Variants in BRINP3 observed in about 807,000 individuals in gnomAD.
The protein encoded by BRINP3 is BMP/retinoic acid inducible neural specific 3.
A neutral mutation model predicts 71.0 loss-of-function variants in BRINP3; 19 were observed. That is an observed-to-expected ratio of 0.27 (90% CI 0.19 to 0.39). The LOEUF is 0.39. Ranked by LOEUF, BRINP3 falls within the 10% of genes least tolerant of loss-of-function variation. The pLI, the probability that BRINP3 is intolerant of heterozygous loss-of-function variation, is 1.00. For missense variants in BRINP3, 959 were observed against 940.8 expected (o/e 1.02, Z -0.25); for synonymous variants, 380 against 337.7 (o/e 1.13, Z -1.37).
intron 2 of BRINP3, among the ~76,000 whole-genome samples, chr1:190,385,691 G>C (rs975978473): frequency 1.1e-4 from 17 of 152,036 alleles, no homozygotes; most frequent in African/African-American, 4.1e-4. Context: ...CAGGGATCTA[G>C]AACTAGAAAT....
chr1:190,138,907 A>G (rs1655195454), intron 7 of BRINP3, among the ~76,000 whole-genome samples: 1 of 152,182 alleles, frequency 6.6e-6, no homozygotes, highest in African/African-American at 2.4e-5. Context: ...CAATGGCGGC[A>G]GCAGGGACAG....
intron 2 of BRINP3, among the ~76,000 whole-genome samples, chr1:190,397,870 G>A (rs2102340178): frequency 6.6e-6 from 1 of 151,874 alleles, no homozygotes; most frequent in South Asian, 2.1e-4. Flanking sequence ...ACATTTTTCT[G>A]AGTAATTATT....
At chr1:190,439,309 T>C (rs1010925466) in intron 2 of BRINP3, among the ~76,000 whole-genome samples, 2 of 151,912 alleles carry the variant, frequency 1.3e-5, no homozygotes, top group African/African-American at 4.8e-5. Flanking sequence ...AAACTGGGTA[T>C]ATTAATTAAT....
chr1:190,389,994 A>G lies in BRINP3; in HGVS notation c.236+64661T>C, dbSNP rs1024925138. ...TTGTTACAGTGGTTAATTTATGGGAACAATAAACACATTTTTGTAAACTGA... is the reference window on the plus strand; with the variant it reads ...TTGTTACAGTGGTTAATTTATGGGAGCAATAAACACATTTTTGTAAACTGA... On this transcript the variant is annotated intron_variant, in intron 2 of 7. Transcript: ENST00000367462. Among the ~76,000 whole-genome samples the G allele has an allele frequency of 6.6e-5, 10 of 151,848 alleles. No individual in the cohort carries two copies. The Admixed American group carries it at 6.6e-4, about 10-fold the overall frequency.
At chr1:190,224,865 AGAC>A (rs1196320973) in intron 6 of BRINP3, among the ~76,000 whole-genome samples, 1 of 152,080 alleles carries the variant, frequency 6.6e-6, no homozygotes, top group Non-Finnish European at 1.5e-5. Context: ...TCTCATAAGA[AGAC>A]ATAAAGATGG....
At chr1:190,340,917 TC>T (rs1178335191) in intron 2 of BRINP3, among the ~76,000 whole-genome samples, 3 of 151,682 alleles carry the variant, frequency 2.0e-5, no homozygotes, top group Non-Finnish European at 4.4e-5. Context: ...TCTTTTTTTT[TC>T]CAAGAAATAC....
At chr1:190,460,767 T>C (rs1676339345) in intron 1 of BRINP3, among the ~76,000 whole-genome samples, 2 of 152,210 alleles carry the variant, frequency 1.3e-5, no homozygotes, top group South Asian at 4.1e-4. Flanking sequence ...TTTTCTTATC[T>C]CACTAAATGA....
chr1:190,116,113 C>T (rs921331639), intron 7 of BRINP3, among the ~76,000 whole-genome samples: 6 of 152,078 alleles, frequency 3.9e-5, no homozygotes, highest in South Asian at 4.1e-4. Flanking sequence ...GCGTACAATA[C>T]TGTCTATACT....
intron 6 of BRINP3, among the ~76,000 whole-genome samples, chr1:190,223,247 A>G (rs1191440107): frequency 6.6e-6 from 1 of 151,952 alleles, no homozygotes; most frequent in East Asian, 1.9e-4. Context: ...GATCAATATC[A>G]CTGATGAGCA....
chr1:190,471,996 T>A lies in BRINP3; in HGVS notation c.-51+5452A>T, dbSNP rs1181958562. Among the ~76,000 whole-genome samples, 3 of 151,584 alleles carry A rather than the reference T, an allele frequency of 2.0e-5. No homozygotes were observed. The East Asian group carries it at 5.8e-4, about 29-fold the overall frequency. ...CCATAACACCACTGACCAAGAAGAT[T>A]TGATACTAGCATTAAAAAAAAGTTG... On this transcript the variant is annotated intron_variant, in intron 1 of 7. Coordinates refer to ENST00000367462, the MANE Select transcript of BRINP3 (RefSeq NM_199051.3).
intron 2 of BRINP3, among the ~76,000 whole-genome samples, chr1:190,311,698 C>G (rs1298152402): frequency 6.6e-6 from 1 of 150,774 alleles, no homozygotes; most frequent in Non-Finnish European, 1.5e-5. Flanking sequence ...AAAACTTTTC[C>G]TATATGAAAA....
intron 3 of BRINP3, among the ~76,000 whole-genome samples, chr1:190,281,024 T>C (rs1451208093): frequency 6.6e-6 from 1 of 151,982 alleles, no homozygotes; most frequent in Non-Finnish European, 1.5e-5. Flanking sequence ...TTTTTACAAA[T>C]GTATACATTT....
chr1:190,393,953 T>G (rs1671415100), intron 2 of BRINP3, among the ~76,000 whole-genome samples: 1 of 151,638 alleles, frequency 6.6e-6, no homozygotes, highest in African/African-American at 2.4e-5. Context: ...TATTTTAAAA[T>G]TTCCCTTTGC....
chr1:190,169,915 T>A (rs1467913655), intron 6 of BRINP3, among the ~76,000 whole-genome samples: 4 of 152,092 alleles, frequency 2.6e-5, no homozygotes, highest in Admixed American at 1.3e-4. Flanking sequence ...AGGAGGTGGG[T>A]CCCATTATAA....
chr1:190,209,943 G>T (rs1451200228), intron 6 of BRINP3, among the ~76,000 whole-genome samples: 2 of 152,096 alleles, frequency 1.3e-5, no homozygotes, highest in Non-Finnish European at 2.9e-5. Flanking sequence ...GAAAATGAAT[G>T]TGTACTTGGT....
intron 2 of BRINP3, among the ~76,000 whole-genome samples, chr1:190,402,021 T>A (rs1571957604): frequency 1.3e-5 from 2 of 150,924 alleles, no homozygotes; most frequent in African/African-American, 4.8e-5. Flanking sequence ...ACTAGGAAAA[T>A]TTGTTTATTA....
At chr1:190,293,903 G>A (rs774130732) in intron 2 of BRINP3, among the ~76,000 whole-genome samples, 4 of 151,846 alleles carry the variant, frequency 2.6e-5, no homozygotes, top group Non-Finnish European at 4.4e-5. Context: ...TTCAATCTAT[G>A]TATGTCTTTA....
chr1:190,114,526 CTGTGTGTGTGTGTG>C (rs34766118), intron 7 of BRINP3, among the ~76,000 whole-genome samples: 3 of 143,132 alleles, frequency 2.1e-5, no homozygotes, highest in South Asian at 2.3e-4. Context: ...AAGTTTGCCA[CTGTGTGTGTGTGTG>C]TGTGTGTGTG....
At chr1:190,207,661 T>C (rs958773912) in intron 6 of BRINP3, among the ~76,000 whole-genome samples, 30 of 152,214 alleles carry the variant, frequency 2.0e-4, no homozygotes, top group African/African-American at 7.0e-4. Flanking sequence ...AAAAGAAATA[T>C]ATATTTTACA....
Sources: gnomAD v4.1 joint callset for allele counts (sites outside exome capture counted in the v4.1 genomes callset) on GRCh38, gnomAD v4.1.1 for gene constraint, MANE v1.5 for transcripts, NCBI Gene and HGNC (gene_info 2026-07-23, HGNC 2026-07-21) for gene names.